ITSN1: variants seen among roughly 807,000 people sequenced by gnomAD.
The protein encoded by ITSN1 is intersectin 1.
ITSN1 carries 58 observed loss-of-function variants against 239.8 expected under a neutral mutation model. That is an observed-to-expected ratio of 0.24 (90% confidence interval 0.20 to 0.30). The LOEUF is 0.30. ITSN1 is among the 10% of genes least tolerant of loss of function. The pLI is 1.00. For synonymous variants in ITSN1, 780 were observed against 770.8 expected (o/e 1.01, Z -0.20); for missense variants, 1,558 against 2,103.3 (o/e 0.74, Z 5.07).
chr21:33,874,178 A>AAG (rs750088086), intron 33 of ITSN1, among the ~76,000 whole-genome samples: 6,211 of 130,316 alleles, frequency 0.048, 389 homozygotes, highest in East Asian at 0.067. Context: ...AAAAAAAAAA[A>AAG]GAACATTTAT....
At chr21:33,791,982 C>T (rs991852235) in intron 16 of ITSN1, among the ~76,000 whole-genome samples, 2 of 152,060 alleles carry the variant, frequency 1.3e-5, no homozygotes, top group African/African-American at 4.8e-5. Flanking sequence ...ATGCTTTTTT[C>T]ACTTATTCTT....
intron 1 of ITSN1, among the ~76,000 whole-genome samples, chr21:33,684,577 CT>C (rs1464406024): frequency 1.6e-4 from 25 of 151,876 alleles, no homozygotes; most frequent in African/African-American, 6.0e-4. Flanking sequence ...AACAGTTTTC[CT>C]AGGGTACTTA....
chr21:33,696,065 G>A (rs537420441), intron 1 of ITSN1, among the ~76,000 whole-genome samples: 2 of 152,286 alleles, frequency 1.3e-5, no homozygotes, highest in South Asian at 4.1e-4. Context: ...TAAATCTTGT[G>A]CATAGAAGTC....
chr21:33,814,372 G>T, intron 22 of ITSN1: 1 of 312,816 alleles, frequency 3.2e-6, no homozygotes, highest in Non-Finnish European at 6.0e-6. Context: ...AATGGAGAGA[G>T]CCTGCCTGTC....
chr21:33,876,728 C>T (rs1216222404), intron 34 of ITSN1, among the ~76,000 whole-genome samples: 1 of 151,956 alleles, frequency 6.6e-6, no homozygotes, highest in Non-Finnish European at 1.5e-5. Flanking sequence ...CCTGTCTATA[C>T]AAAAAAATAA....
chr21:33,828,417 C>T (rs1430114457), intron 26 of ITSN1, among the ~76,000 whole-genome samples: 1 of 152,224 alleles, frequency 6.6e-6, no homozygotes, highest in African/African-American at 2.4e-5. Flanking sequence ...CTCTGCAAAG[C>T]ATCAGGCAGG....
intron 1 of ITSN1, among the ~76,000 whole-genome samples, chr21:33,717,242 G>A (rs1211981248): frequency 6.6e-6 from 1 of 151,006 alleles, no homozygotes; most frequent in African/African-American, 2.4e-5. Context: ...AGTTGCTCAG[G>A]CTGGAGTACA....
At position 33,797,458 on chromosome 21, in the gene ITSN1, G is replaced by A. The variant is rs376139396; in HGVS notation, c.2032G>A (p.Glu678Lys). 17 of 1,613,954 alleles carry A rather than the reference G, an allele frequency of 1.1e-5. No homozygotes were observed. Among genetic ancestry groups the A allele is most frequent in the African/African-American group, 9.3e-5 (7 of 74,880 alleles). Residue 678 changes from glutamate to lysine, a missense_variant, in exon 18 of 40, where the codon GAA becomes AAA. Physicochemically the swap from Glu to Lys is moderately conservative, Grantham distance 56. Around this residue, in one of 2 missense-constraint regions of ITSN1, gnomAD observed 982 missense variants for 1,209.9 expected, o/e 0.81. Coordinates refer to ENST00000381318, the MANE Select transcript of ITSN1 (RefSeq NM_003024.3). The surrounding 1 kb of genome is among the most constrained non-coding windows in gnomAD (Gnocchi z 4.9). ...GCATCAGAGACCAAGAAAACTCCAC[G>A]AAGAGGAAAAACTGAAAAGGGAGGA... Reference protein sequence around the residue: ...DEHQRPRKLHEEEKLKREESV... With the variant: ...DEHQRPRKLHKEEKLKREESV...
intron 33 of ITSN1, among the ~76,000 whole-genome samples, chr21:33,871,288 C>A (rs1321079961): frequency 1.3e-5 from 2 of 152,016 alleles, no homozygotes; most frequent in Non-Finnish European, 2.9e-5. Flanking sequence ...TGGAAAGACA[C>A]TGAGAAAATG....
intron 29 of ITSN1, among the ~76,000 whole-genome samples, chr21:33,850,015 A>G (rs1183433574): frequency 1.3e-5 from 2 of 152,190 alleles, no homozygotes; most frequent in Non-Finnish European, 2.9e-5. Context: ...TACCTACCAC[A>G]GAGGATGTAA....
chr21:33,723,609 G>A (rs920399233), intron 4 of ITSN1, among the ~76,000 whole-genome samples: 44 of 151,902 alleles, frequency 2.9e-4, no homozygotes, highest in East Asian at 9.7e-4. Context: ...GCGAGACTCC[G>A]TCTCCAAAAA....
rs1386448242 is a variant in ITSN1, at chr21:33,888,401, G to A, written c.*101G>A. The A allele has an allele frequency of 2.4e-6, 3 of 1,262,528 alleles. No individual in the cohort carries two copies. The highest frequency in any genetic ancestry group is 3.0e-5 in the African/African-American group (2 of 66,778). The allele number at this position is 1,262,528 out of a possible 1,614,324, so 78.2% of individuals were successfully genotyped here. A position where few individuals can be genotyped will look rare whatever the true frequency, so the allele number is the denominator to read the frequency against. On this transcript the variant is annotated 3_prime_UTR_variant, in exon 40 of 40. Coordinates refer to ENST00000381318, the MANE Select transcript of ITSN1 (RefSeq NM_003024.3). ...CTAAGAAACCACCATTTGGTATTCAGTCACAGGGATATGGGATGGCAAAGA... is the reference window on the plus strand; with the variant it reads ...CTAAGAAACCACCATTTGGTATTCAATCACAGGGATATGGGATGGCAAAGA...
At chr21:33,722,098 G>A (rs557516456) in intron 3 of ITSN1, 2 of 152,056 alleles carry the variant, frequency 1.3e-5, no homozygotes, top group Admixed American at 1.3e-4. Context: ...AGTAGAGATG[G>A]GGCTTCACCA....
intron 1 of ITSN1, among the ~76,000 whole-genome samples, chr21:33,655,900 A>C (rs1232120544): frequency 2.6e-5 from 4 of 152,194 alleles, no homozygotes; most frequent in Non-Finnish European, 5.9e-5. Context: ...TAAGTAGTCC[A>C]CTATCTAAAT....
rs76619686 is a variant in ITSN1 at position 33,877,942 on chromosome 21, A to T, written c.4341+2421A>T. On this transcript the variant is annotated intron_variant, in intron 34 of 39. Coordinates refer to ENST00000381318, the MANE Select transcript of ITSN1 (RefSeq NM_003024.3). ...TTTTGTTGGGTGAGTCATTCTGAGT[A>T]TCTAGTCCACTCTACTTCCAGCAAC... 8.3e-3 allele frequency among the ~76,000 whole-genome samples: 1,219 copies of T among 146,434 alleles called. 15 individuals are homozygous for T. The highest frequency in any genetic ancestry group is 0.029 in the African/African-American group (1,151 of 39,330).
intron 20 of ITSN1, among the ~76,000 whole-genome samples, chr21:33,809,943 G>A (rs529290850): frequency 2.0e-4 from 31 of 152,188 alleles, no homozygotes; most frequent in East Asian, 1.9e-3. Flanking sequence ...ACAGGCATGC[G>A]CCACCATGCC....
chr21:33,788,953 A>C (rs912393614), intron 16 of ITSN1, among the ~76,000 whole-genome samples: 2 of 152,116 alleles, frequency 1.3e-5, no homozygotes, highest in African/African-American at 2.4e-5. Flanking sequence ...TAAATAAATA[A>C]ATTTTTTAAA....
chr21:33,807,283 G>T (rs544507622), intron 20 of ITSN1, among the ~76,000 whole-genome samples: 2 of 152,118 alleles, frequency 1.3e-5, no homozygotes, highest in African/African-American at 2.4e-5. Flanking sequence ...TCACATCTGA[G>T]GACAGGCTGG....
chr21:33,690,071 G>A lies in ITSN1; in HGVS notation c.-32-28726G>A, dbSNP rs149871771. Among the ~76,000 whole-genome samples the A allele has an allele frequency of 3.6e-4, 55 of 150,722 alleles. 1 individual carries two copies. In the East Asian group the frequency reaches 9.0e-3, roughly 25 times the overall value. Reference sequence around the variant, plus strand: ...GGCCAAGGCAGGCGAATCACTTGAGGTCAGGAGTTTGAGACCAGCCTGGCC... The same window carrying A: ...GGCCAAGGCAGGCGAATCACTTGAGATCAGGAGTTTGAGACCAGCCTGGCC... On this transcript the variant is annotated intron_variant, in intron 1 of 39. Transcript: ENST00000381318.
Sources: gnomAD v4.1 joint callset for allele counts (sites outside exome capture counted in the v4.1 genomes callset) on GRCh38, gnomAD v4.1.1 for gene constraint, gnomAD v4.1.1 regional missense constraint, Gnocchi (gnomAD v3.1) non-coding constraint, MANE v1.5 for transcripts, NCBI Gene and HGNC (gene_info 2026-07-23, HGNC 2026-07-21) for gene names.